Variants in TMOD3 observed in about 807,000 individuals in gnomAD.
The protein encoded by TMOD3 is tropomodulin 3, also known as tropomodulin-3.
Under a neutral mutation model 39.2 loss-of-function variants are expected in TMOD3, and 20 were observed. The observed-to-expected ratio is 0.51, with a 90% CI of 0.36 to 0.74. The LOEUF (loss-of-function observed/expected upper bound fraction) is 0.74. Among genes scored for constraint, TMOD3 ranks in the 30% least tolerant of loss-of-function variants. The pLI is 0.00. For missense variants in TMOD3, 381 were observed against 412.8 expected (o/e 0.92, Z 0.67); for synonymous variants, 143 against 145.8 (o/e 0.98, Z 0.14).
rs889187760 is a variant in TMOD3 at position 51,843,835 on chromosome 15, G to A, written c.-75+13999G>A. Among the ~76,000 whole-genome samples, 3 of 151,694 alleles carry A rather than the reference G, an allele frequency of 2.0e-5. No individual in the cohort carries two copies. In the South Asian group the frequency reaches 6.3e-4, roughly 32 times the overall value. On this transcript the variant is annotated intron_variant, in intron 1 of 9. Transcript: ENST00000308580. ...TGGTCCAAAGCTGTGGAACTTGGGA[G>A]AATATATAATTACATATTTCTTAAA...
At chr15:51,892,838 GCAT>G (rs1163837197) in intron 5 of TMOD3, among the ~76,000 whole-genome samples, 8 of 152,000 alleles carry the variant, frequency 5.3e-5, no homozygotes, top group African/African-American at 1.9e-4. Flanking sequence ...AAAACAAATG[GCAT>G]CATCAACTTG....
At chr15:51,869,623 C>G (rs1240676141) in intron 3 of TMOD3, among the ~76,000 whole-genome samples, 1 of 152,112 alleles carries the variant, frequency 6.6e-6, no homozygotes, top group Non-Finnish European at 1.5e-5. Context: ...CTTTAATTCT[C>G]TACTATAACA....
At position 51,862,831 on chromosome 15, in the gene TMOD3, C is replaced by T; in HGVS notation, c.-54C>T. Reference sequence around the variant, plus strand: ...CATAGCTTTAAGAAAAAGTAGAGATCACTTCTGACTGTACTGAACAGCAAA... The same window carrying T: ...CATAGCTTTAAGAAAAAGTAGAGATTACTTCTGACTGTACTGAACAGCAAA... On this transcript the variant is annotated 5_prime_UTR_variant, in exon 2 of 10. Coordinates refer to ENST00000308580, the MANE Select transcript of TMOD3 (RefSeq NM_014547.5). 6.6e-7 allele frequency: 1 copy of T among 1,521,562 alleles called. No individual in the cohort carries two copies. The highest frequency in any genetic ancestry group is 8.8e-7 in the Non-Finnish European group (1 of 1,136,672). 94.3% of individuals were successfully genotyped at this position (1,521,562 alleles called of 1,614,324 possible).
intron 3 of TMOD3, among the ~76,000 whole-genome samples, chr15:51,884,377 G>T (rs192415906): frequency 6.6e-6 from 1 of 152,326 alleles, no homozygotes; most frequent in Admixed American, 6.5e-5. Flanking sequence ...ATAGTGAAAT[G>T]TTCGGGGGAT....
chr15:51,857,262 G>C (rs1490553397), intron 1 of TMOD3, among the ~76,000 whole-genome samples: 2 of 152,210 alleles, frequency 1.3e-5, no homozygotes, highest in Non-Finnish European at 1.5e-5. Context: ...ATCTGGTAGA[G>C]TGGCTACTTT....
chr15:51,892,981 A>G (rs886472109), intron 5 of TMOD3, among the ~76,000 whole-genome samples: 1 of 152,152 alleles, frequency 6.6e-6, no homozygotes, highest in African/African-American at 2.4e-5. Flanking sequence ...ATATTCAGTA[A>G]AATTTTATTT....
chr15:51,840,899 A>T (rs1320239506), intron 1 of TMOD3, among the ~76,000 whole-genome samples: 4 of 152,146 alleles, frequency 2.6e-5, no homozygotes, highest in African/African-American at 9.7e-5. Flanking sequence ...CTATCACCTA[A>T]TATCACTTAA....
chr15:51,891,198 T>A (rs1326173726), intron 5 of TMOD3, among the ~76,000 whole-genome samples: 1 of 152,082 alleles, frequency 6.6e-6, no homozygotes, highest in African/African-American at 2.4e-5. Context: ...GTTTGTCTTT[T>A]TAGTCTCCCT....
intron 4 of TMOD3, among the ~76,000 whole-genome samples, chr15:51,888,082 G>A (rs1039484521): frequency 1.3e-5 from 2 of 152,284 alleles, no homozygotes; most frequent in South Asian, 4.1e-4. Flanking sequence ...TCAGAAGACC[G>A]AGAGATGAGT....
chr15:51,835,111 AC>A (rs1395010969), intron 1 of TMOD3: 1 of 152,222 alleles, frequency 6.6e-6, no homozygotes, highest in Non-Finnish European at 1.5e-5. Context: ...AATGGAGACA[AC>A]CTCATTTTAG....
At chr15:51,879,022 G>C (rs1179731759) in intron 3 of TMOD3, among the ~76,000 whole-genome samples, 2 of 152,186 alleles carry the variant, frequency 1.3e-5, no homozygotes, top group African/African-American at 4.8e-5. Context: ...CAGAGCAAAA[G>C]AGATAAGGAC....
rs1748203144 is a variant in TMOD3, at chr15:51,872,377, A to T, written c.283+3004A>T. The stretch of plus-strand genomic sequence containing the variant: ...TACTGTACTCCAGCCTGGGCGACAG[A>T]GTCGAGACCCTGTCTCAAAAAAAAA... On this transcript the variant is annotated intron_variant, in intron 3 of 9. Coordinates refer to ENST00000308580, the MANE Select transcript of TMOD3 (RefSeq NM_014547.5). Among the ~76,000 whole-genome samples, 3 of 151,940 alleles carry T rather than the reference A, an allele frequency of 2.0e-5. No individual in the cohort carries two copies. In the South Asian group the frequency reaches 6.2e-4, roughly 32 times the overall value.
intron 9 of TMOD3, among the ~76,000 whole-genome samples, chr15:51,902,596 G>A (rs1027250618): frequency 4.6e-5 from 7 of 150,820 alleles, no homozygotes; most frequent in Admixed American, 2.0e-4. Context: ...TCAGCCTCCC[G>A]AGTAGCTGGG....
At chr15:51,850,220 G>T (rs186274277) in intron 1 of TMOD3, among the ~76,000 whole-genome samples, 2 of 152,222 alleles carry the variant, frequency 1.3e-5, no homozygotes, top group East Asian at 3.9e-4. Context: ...TGTGCTAATG[G>T]GCATGGTCCA....
chr15:51,856,076 A>G (rs2554325), intron 1 of TMOD3, among the ~76,000 whole-genome samples: 7,501 of 152,292 alleles, frequency 0.049, 428 homozygotes, highest in African/African-American at 0.12. Context: ...CAGCCTGGGC[A>G]ACATGGTGAA....
intron 5 of TMOD3, among the ~76,000 whole-genome samples, chr15:51,891,244 C>CTTTTTTTTT (rs56932356): frequency 7.7e-6 from 1 of 130,262 alleles, no homozygotes; most frequent in African/African-American, 2.9e-5. Context: ...AACCTCTTTC[C>CTTTTTTTTT]TTTTTTTTTT....
In TMOD3 at chr15:51,853,165, A is replaced by G. The variant is rs529192459; in HGVS notation, c.-74-9646A>G. On this transcript the variant is annotated intron_variant, in intron 1 of 9. Transcript: ENST00000308580. The stretch of plus-strand genomic sequence containing the variant: ...TATCTTGGTGAACATTGAGAAGAAT[A>G]AGAGGAAATAATTGGATGATGAAAT... 1.8e-4 allele frequency among the ~76,000 whole-genome samples: 28 copies of G among 152,326 alleles called. No individual in the cohort carries two copies. The East Asian group carries it at 5.2e-3, about 28-fold the overall frequency.
At chr15:51,846,213 C>T (rs1156864760) in intron 1 of TMOD3, among the ~76,000 whole-genome samples, 1 of 151,618 alleles carries the variant, frequency 6.6e-6, no homozygotes, top group Non-Finnish European at 1.5e-5. Flanking sequence ...CACCTATTGT[C>T]CCAGCTACTT....
chr15:51,830,600 A>G (rs1246062797), intron 1 of TMOD3, among the ~76,000 whole-genome samples: 11 of 152,224 alleles, frequency 7.2e-5, no homozygotes, highest in Admixed American at 6.5e-4. Flanking sequence ...TCATCTGGCA[A>G]TGAACACTGC....
Sources: allele counts gnomAD v4.1 joint callset (sites outside exome capture counted in the v4.1 genomes callset), GRCh38; gene constraint gnomAD v4.1.1; transcripts MANE v1.5; gene names NCBI Gene and HGNC (gene_info 2026-07-23, HGNC 2026-07-21).